The following GRIK2 variants were observed in gnomAD, a reference collection of about 807,000 sequenced individuals.
The protein encoded by GRIK2 is glutamate receptor ionotropic, kainate 2.
In GRIK2, 32 loss-of-function variants were observed where a neutral mutation model predicts 100.3. The ratio of observed to expected loss-of-function variants is 0.32; its 90% confidence interval spans 0.24 to 0.43. GRIK2 has a LOEUF of 0.43. Among genes scored for constraint, GRIK2 ranks in the 20% least tolerant of loss-of-function variants. GRIK2 has a pLI of 1.00. For missense variants in GRIK2, 843 were observed against 1,114.9 expected (o/e 0.76, Z 3.47); for synonymous variants, 417 against 389.4 (o/e 1.07, Z -0.83).
intron 10 of GRIK2, among the ~76,000 whole-genome samples, chr6:101,823,873 T>TG (rs1782129363): frequency 6.6e-6 from 1 of 150,766 alleles, no homozygotes; most frequent in African/African-American, 2.4e-5. Context: ...TTTTTTTTTT[T>TG]TTGTTTTTTT....
At chr6:101,613,750 A>G (rs1312800144) in intron 2 of GRIK2, among the ~76,000 whole-genome samples, 1 of 150,548 alleles carries the variant, frequency 6.6e-6, no homozygotes. Flanking sequence ...TGGACACACT[A>G]GGCTGTGTTC....
chr6:101,509,781 C>T (rs182020429), intron 2 of GRIK2, among the ~76,000 whole-genome samples: 71 of 152,236 alleles, frequency 4.7e-4, no homozygotes, highest in Non-Finnish European at 7.5e-4. Flanking sequence ...TTGGATTATT[C>T]ACAAATTGGT....
intron 7 of GRIK2, among the ~76,000 whole-genome samples, chr6:101,701,517 A>T (rs78851766): frequency 0.048 from 7,252 of 152,016 alleles, 236 homozygotes; most frequent in East Asian, 0.13. Flanking sequence ...CCTATTTCCA[A>T]TTTTTTTACT....
intron 14 of GRIK2, among the ~76,000 whole-genome samples, chr6:101,941,976 AACTAGTGGC>A (rs1209794238): frequency 2.6e-5 from 4 of 152,124 alleles, no homozygotes; most frequent in Non-Finnish European, 5.9e-5. Context: ...ATAAATAAAG[AACTAGTGGC>A]ATAGGTTTTT....
At chr6:101,417,836 C>T (rs1413570490) in intron 2 of GRIK2, among the ~76,000 whole-genome samples, 1 of 152,180 alleles carries the variant, frequency 6.6e-6, no homozygotes. Flanking sequence ...TAACCTTAGT[C>T]AAGTTACTCA....
intron 1 of GRIK2, chr6:101,398,769 C>G: frequency 2.7e-6 from 1 of 366,718 alleles, no homozygotes; most frequent in Non-Finnish European, 4.8e-6. Context: ...GGGGAGCTCA[C>G]TGGCCGGGAG....
At chr6:101,646,427 C>T (rs1385415438) in intron 4 of GRIK2, among the ~76,000 whole-genome samples, 1 of 151,624 alleles carries the variant, frequency 6.6e-6, no homozygotes, top group African/African-American at 2.4e-5. Flanking sequence ...AAAAAGTAAG[C>T]ATAATTACAA....
chr6:101,938,195 A>G (rs1340274), intron 14 of GRIK2, among the ~76,000 whole-genome samples: 5,199 of 152,060 alleles, frequency 0.034, 320 homozygotes, highest in African/African-American at 0.12. Context: ...CATCTTCAAT[A>G]TTAGACTCTT....
At chr6:101,661,314 C>T (rs1287003711) in intron 4 of GRIK2, among the ~76,000 whole-genome samples, 3 of 152,050 alleles carry the variant, frequency 2.0e-5, no homozygotes, top group African/African-American at 2.4e-5. Flanking sequence ...TAATAGCAGA[C>T]GCTCCTCCTG....
chr6:101,853,115 C>T (rs1784232946), intron 10 of GRIK2, among the ~76,000 whole-genome samples: 1 of 152,128 alleles, frequency 6.6e-6, no homozygotes, highest in Non-Finnish European at 1.5e-5. Context: ...GGTTTTCTCC[C>T]AGACGATATT....
At chr6:101,661,305 A>G (rs1320135888) in intron 4 of GRIK2, among the ~76,000 whole-genome samples, 1 of 151,992 alleles carries the variant, frequency 6.6e-6, no homozygotes, top group Non-Finnish European at 1.5e-5. Context: ...AAGCCTCAGT[A>G]ATAGCAGACG....
intron 2 of GRIK2, among the ~76,000 whole-genome samples, chr6:101,577,207 A>T (rs1201009504): frequency 6.6e-6 from 1 of 151,984 alleles, no homozygotes; most frequent in African/African-American, 2.4e-5. Flanking sequence ...TTTGCATCTG[A>T]CATAGGGAGT....
Position 102,055,414 on chromosome 6 carries a change from G to A in GRIK2, c.2396G>A (p.Trp799Ter). 6.2e-7 allele frequency: 1 copy of A among 1,612,996 alleles called. No individual in the cohort carries two copies. The highest frequency in any genetic ancestry group is 8.5e-7 in the Non-Finnish European group (1 of 1,179,036). The change falls in exon 16 of 17, where the codon TGG becomes TAG. Residue 799 changes from tryptophan to a stop codon, truncating the protein, a stop_gained. Transcript: ENST00000369134. LOFTEE classifies it high-confidence loss of function. Reference sequence around the variant, plus strand: ...CTGCATATGATGAAGGAGAAATGGTGGAGGGGCAATGGTTGCCCAGAAGAG... The same window carrying A: ...CTGCATATGATGAAGGAGAAATGGTAGAGGGGCAATGGTTGCCCAGAAGAG... ...GKLHMMKEKW[W>*]RGNGCPEEES...
At chr6:102,065,923 C>G in intron 16 of GRIK2, 1 of 1,393,498 alleles carries the variant, frequency 7.2e-7, no homozygotes, top group Non-Finnish European at 9.4e-7. Flanking sequence ...ATAAGTACAT[C>G]TAATAGTAGG....
At chr6:101,607,227 T>C (rs1779475914) in intron 2 of GRIK2, among the ~76,000 whole-genome samples, 1 of 152,036 alleles carries the variant, frequency 6.6e-6, no homozygotes, top group African/African-American at 2.4e-5. Context: ...CTTGCATTTA[T>C]TCTTTTGCTG....
chr6:101,497,499 C>T (rs560008858), intron 2 of GRIK2, among the ~76,000 whole-genome samples: 1 of 152,016 alleles, frequency 6.6e-6, no homozygotes, highest in African/African-American at 2.4e-5. Context: ...GGAAATATGA[C>T]ATTTTGCAGT....
chr6:101,576,954 A>G (rs1777818016), intron 2 of GRIK2, among the ~76,000 whole-genome samples: 1 of 152,068 alleles, frequency 6.6e-6, no homozygotes, highest in African/African-American at 2.4e-5. Flanking sequence ...TGAACACATC[A>G]TGTTTTTATA....
chr6:101,584,602 T>G (rs1291934565), intron 2 of GRIK2, among the ~76,000 whole-genome samples: 1 of 152,022 alleles, frequency 6.6e-6, no homozygotes. Context: ...ATTTCTTCTG[T>G]GAAGTAAATA....
chr6:101,906,384 GTT>G (rs1491399646), intron 12 of GRIK2, among the ~76,000 whole-genome samples: 1 of 151,582 alleles, frequency 6.6e-6, no homozygotes, highest in African/African-American at 2.4e-5. Flanking sequence ...GTGTGTGTGT[GTT>G]TGTGTGTGTT....
Sources: gnomAD v4.1 joint callset for allele counts (sites outside exome capture counted in the v4.1 genomes callset) on GRCh38, gnomAD v4.1.1 for gene constraint, MANE v1.5 for transcripts, NCBI Gene and HGNC (gene_info 2026-07-23, HGNC 2026-07-21) for gene names.